Variants in NIBAN2 observed in about 807,000 individuals in gnomAD.
The protein encoded by NIBAN2 is protein Niban 2.
NIBAN2 carries 36 observed loss-of-function variants against 81.8 expected under a neutral mutation model. The observed-to-expected ratio is 0.44, with a 90% CI of 0.34 to 0.58. NIBAN2 has a LOEUF of 0.58. NIBAN2 is among the 20% of genes least tolerant of loss of function. The pLI is 0.02. For synonymous variants in NIBAN2, 445 were observed against 441.6 expected (o/e 1.01, Z -0.10); for missense variants, 897 against 1,014.1 (o/e 0.88, Z 1.57).
rs576325189 is a variant in NIBAN2, at chr9:127,518,684, G to A, written c.590-743C>T. Among the ~76,000 whole-genome samples, 40 of 152,326 alleles carry A rather than the reference G, an allele frequency of 2.6e-4. 1 individual carries two copies. Among genetic ancestry groups the A allele is most frequent in the African/African-American group, 9.1e-4 (38 of 41,578 alleles). On this transcript the variant is annotated intron_variant, in intron 5 of 13. Coordinates refer to ENST00000373312, the MANE Select transcript of NIBAN2 (RefSeq NM_022833.4). Reference sequence around the variant, plus strand: ...GGCCTGTTTCCTCTTCTGAACAATGGAACAATGGCCTCACAGGTCCACTGC... The same window carrying A: ...GGCCTGTTTCCTCTTCTGAACAATGAAACAATGGCCTCACAGGTCCACTGC...
intron 1 of NIBAN2, among the ~76,000 whole-genome samples, chr9:127,543,170 C>G (rs183591285): frequency 1.3e-5 from 2 of 152,326 alleles, no homozygotes; most frequent in African/African-American, 4.8e-5. Flanking sequence ...TCTCGACTCT[C>G]AAAATGGCCC....
At chr9:127,550,810 A>G (rs768945437) in intron 1 of NIBAN2, among the ~76,000 whole-genome samples, 1 of 152,210 alleles carries the variant, frequency 6.6e-6, no homozygotes, top group Non-Finnish European at 1.5e-5. Flanking sequence ...AGAAAAGGTC[A>G]CTACCTCCTC....
At chr9:127,571,124 A>AG (rs1282118716), upstream of NIBAN2, among the ~76,000 whole-genome samples, 1 of 152,190 alleles carries the variant, frequency 6.6e-6, no homozygotes, top group Admixed American at 6.5e-5. Flanking sequence ...GGCCTAGGCC[A>AG]GGGGGGTTAG....
upstream of NIBAN2, among the ~76,000 whole-genome samples, chr9:127,572,801 C>T (rs57541278): frequency 0.028 from 4,187 of 152,038 alleles, 77 homozygotes; most frequent in Middle Eastern, 0.048. Flanking sequence ...TGCCAGCACT[C>T]TGGGAAGCTG....
chr9:127,541,504 C>T (rs1837378691), intron 1 of NIBAN2, among the ~76,000 whole-genome samples: 1 of 152,210 alleles, frequency 6.6e-6, no homozygotes, highest in Non-Finnish European at 1.5e-5. Context: ...AAAACCATCT[C>T]ACCCTGGCCT....
intron 1 of NIBAN2, among the ~76,000 whole-genome samples, chr9:127,547,488 G>A (rs377122402): frequency 6.6e-6 from 1 of 151,746 alleles, no homozygotes; most frequent in African/African-American, 2.4e-5. Context: ...CTGCACTCCA[G>A]CCTGGGCTAC....
At chr9:127,557,559 C>G (rs1168884778) in intron 1 of NIBAN2, among the ~76,000 whole-genome samples, 1 of 152,220 alleles carries the variant, frequency 6.6e-6, no homozygotes, top group African/African-American at 2.4e-5. Context: ...GGCAAGCTGC[C>G]CAGCCCCCAG....
chr9:127,523,168 T>TAAAAAAA (rs1564301216), intron 5 of NIBAN2, among the ~76,000 whole-genome samples: 7 of 19,010 alleles, frequency 3.7e-4, no homozygotes, highest in South Asian at 3.9e-3. Flanking sequence ...GTTGGTGGTT[T>TAAAAAAA]TAAAAAAAAA....
chr9:127,523,193 ATAT>A (rs1319774364), intron 5 of NIBAN2, among the ~76,000 whole-genome samples: 4 of 7,996 alleles, frequency 5.0e-4, no homozygotes, highest in Admixed American at 2.1e-3. Flanking sequence ...AAAAAAAAAA[ATAT>A]ATATATATAT....
chr9:127,565,888 C>T (rs996417113), intron 1 of NIBAN2, among the ~76,000 whole-genome samples: 1 of 150,856 alleles, frequency 6.6e-6, no homozygotes, highest in African/African-American at 2.4e-5. Flanking sequence ...TTGGTTGAGC[C>T]CAGGAGTTCA....
chr9:127,569,504 C>T (rs1321176745), upstream of NIBAN2, among the ~76,000 whole-genome samples: 1 of 152,002 alleles, frequency 6.6e-6, no homozygotes, highest in East Asian at 1.9e-4. Flanking sequence ...CCCTCCCCAA[C>T]CTTGCCCGCG....
intron 5 of NIBAN2, among the ~76,000 whole-genome samples, chr9:127,522,289 G>C (rs1402225202): frequency 6.6e-6 from 1 of 152,170 alleles, no homozygotes; most frequent in Non-Finnish European, 1.5e-5. Flanking sequence ...GGAGGGGTGG[G>C]GTGAGCTGAG....
Position 127,506,710 on chromosome 9 carries a change from C to G in NIBAN2, c.*135G>C. 1.4e-6 allele frequency: 1 copy of G among 694,636 alleles called. No individual in the cohort carries two copies. Among genetic ancestry groups the G allele is most frequent in the Non-Finnish European group, 2.2e-6 (1 of 444,740 alleles). The allele number at this position is 694,636 out of a possible 1,614,324, so 43.0% of individuals were successfully genotyped here. On this transcript the variant is annotated 3_prime_UTR_variant, in exon 14 of 14. Coordinates refer to ENST00000373312, the MANE Select transcript of NIBAN2 (RefSeq NM_022833.4). ...ATAAAGTGACTCAGGTGGGCCCGCT[C>G]CCTGGCGGTGCCACACAGCCCTGCC...
At chr9:127,560,359 G>A (rs1053300394) in intron 1 of NIBAN2, among the ~76,000 whole-genome samples, 1 of 151,920 alleles carries the variant, frequency 6.6e-6, no homozygotes, top group Non-Finnish European at 1.5e-5. Context: ...CCCCACACAC[G>A]CAGGTCCAGT....
Position 127,531,822 on chromosome 9 carries a change from C to T in NIBAN2, c.56-44G>A, listed in dbSNP as rs533466849. On this transcript the variant is annotated intron_variant, in intron 1 of 13. Coordinates refer to ENST00000373312, the MANE Select transcript of NIBAN2 (RefSeq NM_022833.4). Reference sequence around the variant, plus strand: ...CAGGAGCTTGAGGTCCTCAGGGATGCTGATGCATCACGATCCTTCCCCTAG... The same window carrying T: ...CAGGAGCTTGAGGTCCTCAGGGATGTTGATGCATCACGATCCTTCCCCTAG... The T allele has an allele frequency of 4.3e-6, 7 of 1,611,134 alleles. No homozygotes were observed. In the South Asian group the frequency reaches 4.4e-5, roughly 10 times the overall value.
At chr9:127,523,214 T>A (rs1232108443) in intron 5 of NIBAN2, among the ~76,000 whole-genome samples, 93 of 6,394 alleles carry the variant, frequency 0.015, 31 homozygotes, top group Non-Finnish European at 0.021. Flanking sequence ...TATATATATA[T>A]ATATATATAT....
intron 1 of NIBAN2, among the ~76,000 whole-genome samples, chr9:127,537,918 G>A (rs1031048797): frequency 3.9e-5 from 6 of 152,216 alleles, no homozygotes; most frequent in African/African-American, 7.2e-5. Flanking sequence ...AGAGGGCAGT[G>A]TGTGAATTCT....
intron 1 of NIBAN2, among the ~76,000 whole-genome samples, chr9:127,574,674 A>C (rs758805518): frequency 4.6e-5 from 7 of 152,152 alleles, no homozygotes; most frequent in Non-Finnish European, 8.8e-5. Context: ...GAGAAAAAAA[A>C]CAAACACCTC....
At position 127,568,376 on chromosome 9, in the gene NIBAN2, G is replaced by A. The variant is rs188208601; in HGVS notation, c.55+444C>T. ...ACGTGTACCAGGGCTGGGGCCCGGC[G>A]GAGCTGGGGACGGGACGGCTGGGGA... On this transcript the variant is annotated intron_variant, in intron 1 of 13. Coordinates refer to ENST00000373312, the MANE Select transcript of NIBAN2 (RefSeq NM_022833.4). Among the ~76,000 whole-genome samples, 517 of 152,324 alleles carry A rather than the reference G, an allele frequency of 3.4e-3. 2 individuals are homozygous for A. Among genetic ancestry groups the A allele is most frequent in the Non-Finnish European group, 5.3e-3 (359 of 68,026 alleles).
Sources: gnomAD v4.1 joint callset for allele counts (sites outside exome capture counted in the v4.1 genomes callset) on GRCh38, gnomAD v4.1.1 for gene constraint, MANE v1.5 for transcripts, NCBI Gene and HGNC (gene_info 2026-07-23, HGNC 2026-07-21) for gene names.